Variants in SYNJ2 observed in about 807,000 individuals in gnomAD.
The protein encoded by SYNJ2 is polyphosphatidylinositol phosphatase SYNJ2.
Under a neutral mutation model 141.3 loss-of-function variants are expected in SYNJ2, and 116 were observed. That is an observed-to-expected ratio of 0.82 (90% CI 0.71 to 0.96). The LOEUF (loss-of-function observed/expected upper bound fraction) is 0.96. Ranked by LOEUF, SYNJ2 falls within the 40% of genes least tolerant of loss-of-function variation. The probability of loss-of-function intolerance (pLI) is 0.00; values close to 1 mark genes in which losing one functional copy is unlikely to be tolerated. For missense variants in SYNJ2, 1,873 were observed against 1,934.8 expected, an observed-to-expected ratio of 0.97 and a Z score of 0.60; for synonymous variants, 745 against 777.7, an observed-to-expected ratio of 0.96 and a Z score of 0.70.
In SYNJ2 at chr6:157,988,952, T is replaced by G. The variant is rs1042675682; in HGVS notation, c.127+6864T>G. Among the ~76,000 whole-genome samples the G allele has an allele frequency of 5.3e-5, 8 of 152,052 alleles. No homozygotes were observed. The East Asian group carries it at 1.5e-3, about 29-fold the overall frequency. On this transcript the variant is annotated intron_variant, in intron 1 of 26. Coordinates refer to ENST00000355585, the MANE Select transcript of SYNJ2 (RefSeq NM_003898.4). ...AAACAGCCCAGTTCAGGGTACTGCT[T>G]CTTTTCGAGATCTCACGGGCAGGAG...
rs559518064 is a variant in SYNJ2, at chr6:158,024,218, A to G, written c.215-4538A>G. On this transcript the variant is annotated intron_variant, in intron 2 of 26. Transcript: ENST00000355585. ...GGTGGGCGGACCACTAGAGGTCAGG[A>G]GTTCTAGACCAGCCCAGTCAACATG... Among the ~76,000 whole-genome samples, 78 of 152,258 alleles carry G rather than the reference A, an allele frequency of 5.1e-4. 1 individual carries two copies. The South Asian group carries it at 0.015, about 30-fold the overall frequency.
intron 1 of SYNJ2, among the ~76,000 whole-genome samples, chr6:158,016,238 C>A (rs370654892): frequency 6.6e-6 from 1 of 152,114 alleles, no homozygotes; most frequent in Non-Finnish European, 1.5e-5. Context: ...CTCAGCCTCC[C>A]GAGTAGCTGG....
In SYNJ2 at chr6:158,083,576, A is replaced by T. The variant is rs1227477948; in HGVS notation, c.3013A>T (p.Ser1005Cys). The change falls in exon 21 of 27, where the codon AGT (serine) becomes TGT (cysteine). Residue 1005 changes from serine (S) to cysteine (C), a missense_variant. By Grantham distance (112) the Ser-to-Cys change is moderately radical (BLOSUM62 -1). Transcript: ENST00000355585. ...CLLEENFDFTSLDYESEGDIL... is the reference protein window; with the variant it reads ...CLLEENFDFTCLDYESEGDIL... ...GCTGGAGGAAAACTTTGACTTCACA[A>T]GTTTGGACTATGAGTCAGAAGGTTA... is the stretch of plus-strand genomic sequence containing the variant. 6.2e-7 allele frequency: 1 copy of T among 1,614,136 alleles called. No homozygotes were observed. Among genetic ancestry groups the T allele is most frequent in the South Asian group, 1.1e-5 (1 of 91,080 alleles).
At chr6:158,088,530 G>GT (rs1332597559) in intron 23 of SYNJ2, 130 bp from the exon 24 acceptor site, 2 of 679,262 alleles carry the variant, frequency 2.9e-6, no homozygotes, top group African/African-American at 3.6e-5. Flanking sequence ...TAAGTGCCGA[G>GT]TGAGTATTCG....
At chr6:158,034,395 G>A (rs1159648382) in intron 4 of SYNJ2, among the ~76,000 whole-genome samples, 1 of 152,238 alleles carries the variant, frequency 6.6e-6, no homozygotes, top group Admixed American at 6.5e-5. Context: ...TGGGTGCCCT[G>A]TGTTTACTGA....
At chr6:157,985,771 TC>T (rs1777178306) in intron 1 of SYNJ2, among the ~76,000 whole-genome samples, 2 of 152,070 alleles carry the variant, frequency 1.3e-5, no homozygotes, top group Non-Finnish European at 2.9e-5. Context: ...GTGAGTGAAG[TC>T]GTGCCTCCTG....
Position 158,029,042 on chromosome 6 carries a change from C to T in SYNJ2, c.485+16C>T, listed in dbSNP as rs9459173. 33 of 1,560,752 alleles carry T rather than the reference C, an allele frequency of 2.1e-5. No homozygotes were observed. The highest frequency in any genetic ancestry group is 9.9e-5 in the African/African-American group (7 of 70,468). On this transcript the variant is annotated intron_variant, in intron 3 of 26. Coordinates refer to ENST00000355585, the MANE Select transcript of SYNJ2 (RefSeq NM_003898.4). The stretch of plus-strand genomic sequence containing the variant: ...CCTTCTTCTGGTGAGGCCCTGGGTC[C>T]CCTGCAGAGGGTGGGCCCTGGGTCT...
Position 158,029,017 on chromosome 6 carries a change from C to T in SYNJ2, c.476C>T (p.Ser159Phe), listed in dbSNP as rs1304921023. ...QGDDSSEWGN[S>F]FFWNQLLHVP... ...GATGACAGCTCTGAATGGGGGAACT[C>T]CTTCTTCTGGTGAGGCCCTGGGTCC... Residue 159 changes from serine to phenylalanine, a missense_variant, in exon 3 of 27, where the codon TCC becomes TTC. Ser to Phe is a radical substitution (Grantham distance 155). Transcript: ENST00000355585. The T allele has an allele frequency of 6.2e-7, 1 of 1,613,986 alleles. No individual in the cohort carries two copies. Among genetic ancestry groups the T allele is most frequent in the South Asian group, 1.1e-5 (1 of 91,078 alleles).
At chr6:158,033,750 C>T in intron 4 of SYNJ2, 70 bp downstream of exon 4, 1 of 1,487,290 alleles carries the variant, frequency 6.7e-7, no homozygotes, top group Non-Finnish European at 9.1e-7. Flanking sequence ...ACGCGCTTTC[C>T]ACTTGGGGCA....
chr6:157,988,959 G>A (rs1054839140), intron 1 of SYNJ2, among the ~76,000 whole-genome samples: 11 of 152,074 alleles, frequency 7.2e-5, no homozygotes, highest in African/African-American at 1.2e-4. Flanking sequence ...GCTTCTTTTC[G>A]AGATCTCACG....
intron 6 of SYNJ2, among the ~76,000 whole-genome samples, chr6:158,057,255 G>A (rs1780923491): frequency 6.6e-6 from 1 of 152,120 alleles, no homozygotes; most frequent in Non-Finnish European, 1.5e-5. Flanking sequence ...CAATGCTCAG[G>A]GTGACCCAGG....
chr6:158,028,492 G>A, intron 2 of SYNJ2: 1 of 520,824 alleles, frequency 1.9e-6, no homozygotes, highest in Admixed American at 3.2e-5. Context: ...AGGCAGCTGG[G>A]CGGCAGGAAT....
chr6:158,084,165 A>G lies in SYNJ2; in HGVS notation c.3199A>G (p.Thr1067Ala), dbSNP rs1281707405. The G allele has an allele frequency of 1.2e-6, 2 of 1,613,678 alleles. No homozygotes were observed. Among genetic ancestry groups the G allele is most frequent in the African/African-American group, 2.7e-5 (2 of 74,844 alleles). Reference sequence around the variant, plus strand: ...TCTCACCAAAAAGAAGCAGCATCCAACGTACAAAGGTAGCCTGACCCTTCT... The same window carrying G: ...TCTCACCAAAAAGAAGCAGCATCCAGCGTACAAAGGTAGCCTGACCCTTCT... ...PALTKKKQHP[T>A]YKDDADLVEL... The change falls in exon 22 of 27, where the codon ACG becomes GCG. Residue 1067 changes from threonine to alanine, a missense_variant. Transcript: ENST00000355585. The surrounding 1 kb of genome is among the most constrained non-coding windows in gnomAD (Gnocchi z 5.0).
chr6:158,076,980 C>T (rs947286215), intron 17 of SYNJ2, among the ~76,000 whole-genome samples, 198 bp downstream of exon 17: 20 of 151,788 alleles, frequency 1.3e-4, no homozygotes, highest in African/African-American at 4.8e-4. Context: ...CTTCTGGCCT[C>T]TTTTTTTCCC....
intron 1 of SYNJ2, among the ~76,000 whole-genome samples, chr6:157,990,251 G>A (rs539025062): frequency 1.3e-5 from 2 of 152,320 alleles, no homozygotes; most frequent in African/African-American, 4.8e-5. Context: ...TTCATTCTAA[G>A]GCAGGTTTTT....
intron 3 of SYNJ2, among the ~76,000 whole-genome samples, chr6:158,032,715 C>T (rs1355931679): frequency 6.6e-6 from 1 of 152,198 alleles, no homozygotes; most frequent in Admixed American, 6.5e-5. Flanking sequence ...ATACCTTTCA[C>T]ATAGGGTCAC....
intron 1 of SYNJ2, among the ~76,000 whole-genome samples, chr6:157,994,270 G>T (rs1005794635): frequency 1.3e-5 from 2 of 152,220 alleles, no homozygotes; most frequent in Non-Finnish European, 2.9e-5. Flanking sequence ...TGCAGCTCCT[G>T]CTGATTCAGC....
chr6:157,981,523 TCCAGCCTGGCGGAC>T (rs528185383), upstream of SYNJ2, among the ~76,000 whole-genome samples: 68 of 152,080 alleles, frequency 4.5e-4, no homozygotes, highest in Admixed American at 3.2e-3. This position sits in a 1 kb window ranked among gnomAD's most constrained non-coding sequence, Gnocchi z 6.4. Flanking sequence ...AGTCAGCGGG[TCCAGCCTGGCGGAC>T]TCCCGGGCCG....
chr6:157,995,692 G>A (rs894968167), intron 1 of SYNJ2, among the ~76,000 whole-genome samples: 10 of 152,234 alleles, frequency 6.6e-5, no homozygotes, highest in Admixed American at 4.6e-4. Context: ...ACGGGGAGTT[G>A]GTGAAATAAG....
Sources: allele counts gnomAD v4.1 joint callset (sites outside exome capture counted in the v4.1 genomes callset), GRCh38; gene constraint gnomAD v4.1.1; non-coding constraint Gnocchi (gnomAD v3.1); transcripts MANE v1.5; gene names NCBI Gene and HGNC (gene_info 2026-07-23, HGNC 2026-07-21).